Variants in NEDD9 observed in about 807,000 individuals in gnomAD.
NEDD9 encodes enhancer of filamentation 1.
In NEDD9, 26 loss-of-function variants were observed where a neutral mutation model predicts 76.6. The ratio of observed to expected loss-of-function variants is 0.34; its 90% CI spans 0.25 to 0.47. The LOEUF (loss-of-function observed/expected upper bound fraction) is 0.47. Among genes scored for constraint, NEDD9 ranks in the 20% least tolerant of loss-of-function variants. The pLI is 1.00. For synonymous variants in NEDD9, 392 were observed against 414.2 expected (o/e 0.95, Z 0.65); for missense variants, 937 against 1,058.5 (o/e 0.89, Z 1.59).
At chr6:11,276,786 G>C (rs559851831) in intron 3 of NEDD9, among the ~76,000 whole-genome samples, 11 of 152,250 alleles carry the variant, frequency 7.2e-5, no homozygotes, top group African/African-American at 2.2e-4. Flanking sequence ...GCTTCCAAGG[G>C]AAAACAGAGC....
At chr6:11,215,615 G>A (rs1362254804) in intron 1 of NEDD9, among the ~76,000 whole-genome samples, 1 of 152,140 alleles carries the variant, frequency 6.6e-6, no homozygotes, top group Non-Finnish European at 1.5e-5. Context: ...TGACCTCCAG[G>A]AAATGACTCC....
intron 3 of NEDD9, among the ~76,000 whole-genome samples, chr6:11,247,194 C>G (rs1467103361): frequency 6.6e-6 from 1 of 152,210 alleles, no homozygotes; most frequent in South Asian, 2.1e-4. Context: ...CTCTTCCAGT[C>G]CATTCTTTCC....
intron 2 of NEDD9, among the ~76,000 whole-genome samples, chr6:11,327,054 G>A (rs576651546): frequency 2.0e-5 from 3 of 152,284 alleles, no homozygotes; most frequent in Non-Finnish European, 2.9e-5. Flanking sequence ...TTTTGAGAGC[G>A]ACAGGGATTC....
intron 2 of NEDD9, among the ~76,000 whole-genome samples, chr6:11,313,151 T>C (rs759895304): frequency 5.3e-5 from 8 of 151,740 alleles, no homozygotes; most frequent in Non-Finnish European, 2.9e-5. Flanking sequence ...AATAGATGGA[T>C]GGTTGGTGGA....
At chr6:11,273,854 C>T (rs1168925902) in intron 3 of NEDD9, among the ~76,000 whole-genome samples, 1 of 152,186 alleles carries the variant, frequency 6.6e-6, no homozygotes. Context: ...TGGACAGGTA[C>T]TTTGACGTAC....
intron 3 of NEDD9, among the ~76,000 whole-genome samples, chr6:11,192,831 G>T (rs1047440293): frequency 3.4e-5 from 5 of 147,568 alleles, no homozygotes; most frequent in African/African-American, 1.2e-4. Context: ...TACTTGGGAG[G>T]CTGAGACAGG....
chr6:11,288,003 C>T (rs78873716), intron 3 of NEDD9, among the ~76,000 whole-genome samples: 1,532 of 152,322 alleles, frequency 0.01, 18 homozygotes, highest in Non-Finnish European at 0.018. Context: ...AAAATTGGCA[C>T]ATGGCCTGTT....
At chr6:11,337,013 G>A (rs1436986419) in intron 1 of NEDD9, among the ~76,000 whole-genome samples, 1 of 152,166 alleles carries the variant, frequency 6.6e-6, no homozygotes, top group African/African-American at 2.4e-5. Flanking sequence ...GAGGTCAGGA[G>A]TACGAGACCA....
chr6:11,371,841 A>T (rs1047644213), intron 1 of NEDD9, among the ~76,000 whole-genome samples: 25 of 151,900 alleles, frequency 1.6e-4, no homozygotes, highest in East Asian at 1.9e-4. Flanking sequence ...TTTTCTTTTT[A>T]AAAAAATTCA....
At chr6:11,229,304 A>G (rs139309794) in intron 1 of NEDD9, among the ~76,000 whole-genome samples, 11 of 152,364 alleles carry the variant, frequency 7.2e-5, no homozygotes, top group Admixed American at 7.2e-4. Flanking sequence ...GGGCTCAGAA[A>G]TTTGGCAAAG....
chr6:11,185,601 G>A lies in NEDD9; in HGVS notation c.2066C>T (p.Pro689Leu). ...GTTTGTGGTGGGTAGGCTCTGAGAGGGCTTCCACTTCGAGATGTCATTCTC... is the reference window on the plus strand; with the variant it reads ...GTTTGTGGTGGGTAGGCTCTGAGAGAGCTTCCACTTCGAGATGTCATTCTC... Reference protein sequence around the residue: ...PVENDISKWKPSQSLPTTNSG... With the variant: ...PVENDISKWKLSQSLPTTNSG... Residue 689 changes from proline to leucine, a missense_variant, in exon 7 of 7, where the codon CCC becomes CTC. Transcript: ENST00000379446. 6.2e-7 allele frequency: 1 copy of A among 1,614,144 alleles called. No homozygotes were observed. Among genetic ancestry groups the A allele is most frequent in the Non-Finnish European group, 8.5e-7 (1 of 1,180,030 alleles).
intron 2 of NEDD9, among the ~76,000 whole-genome samples, chr6:11,328,357 T>C (rs1761970427): frequency 6.6e-6 from 1 of 152,222 alleles, no homozygotes; most frequent in Non-Finnish European, 1.5e-5. Flanking sequence ...TATCAGGAAT[T>C]ACTTGGATCC....
chr6:11,247,896 A>G (rs575934406), intron 3 of NEDD9, among the ~76,000 whole-genome samples: 2 of 152,350 alleles, frequency 1.3e-5, no homozygotes, highest in South Asian at 4.1e-4. Flanking sequence ...GAAGGCTTTT[A>G]GAAAGAAAGG....
rs971262528 is a variant in NEDD9 at position 11,335,314 on chromosome 6, A to T, written c.-213-753T>A. 3.9e-5 allele frequency among the ~76,000 whole-genome samples: 6 copies of T among 152,202 alleles called. No individual in the cohort carries two copies. The East Asian group carries it at 1.2e-3, about 29-fold the overall frequency. The stretch of plus-strand genomic sequence containing the variant: ...TCCAAAGCCAAACTTGCACCAAAAT[A>T]TGGTCATGGTCACTGTTTGGTAGTC... On this transcript the variant is annotated intron_variant, in intron 1 of 3. Transcript: ENST00000397378.
At chr6:11,334,370 AAC>A (rs1375927199) in intron 2 of NEDD9, 1 of 152,270 alleles carries the variant, frequency 6.6e-6, no homozygotes, top group African/African-American at 2.4e-5. Flanking sequence ...TCTGAAAAAT[AAC>A]ACAAATAAAT....
At chr6:11,185,734 T>C (rs6456968) in intron 6 of NEDD9, 63 bp from the exon 7 acceptor site, 1,330,736 of 1,583,430 alleles carry the variant, frequency 0.84, 560,469 homozygotes, top group East Asian at 1. Context: ...GGAAATTCAC[T>C]AGGCCTTGGA....
At chr6:11,200,717 A>G in intron 2 of NEDD9, 2 of 1,321,494 alleles carry the variant, frequency 1.5e-6, no homozygotes, top group Non-Finnish European at 1.9e-6. Context: ...TTCAAACCAA[A>G]GCAGCAAATG....
intron 3 of NEDD9, among the ~76,000 whole-genome samples, chr6:11,259,317 G>A (rs571196344): frequency 8.0e-4 from 122 of 152,370 alleles, no homozygotes; most frequent in Middle Eastern, 3.4e-3. Context: ...CAACCTGGAA[G>A]GGGGCAGCAA....
chr6:11,355,790 C>G lies in NEDD9; in HGVS notation c.-213-21229G>C, dbSNP rs182747168. 6.8e-3 allele frequency among the ~76,000 whole-genome samples: 1,037 copies of G among 152,070 alleles called. 6 individuals carry two copies. The highest frequency in any genetic ancestry group is 0.012 in the African/African-American group (510 of 41,506). The stretch of plus-strand genomic sequence containing the variant: ...GGCTGGAGGGCAGTGGCGCGATCTC[C>G]GCTCACTGCAAGCTCCGCCTCCTGT... On this transcript the variant is annotated intron_variant, in intron 1 of 3. Coordinates refer to the NEDD9 transcript ENST00000397378.
Sources: gnomAD v4.1 joint callset for allele counts (sites outside exome capture counted in the v4.1 genomes callset) on GRCh38, gnomAD v4.1.1 for gene constraint, MANE v1.5 for transcripts, NCBI Gene and HGNC (gene_info 2026-07-23, HGNC 2026-07-21) for gene names.